TBCA: variants seen among roughly 807,000 people sequenced by gnomAD.
The protein encoded by TBCA is tubulin folding cofactor A.
A neutral mutation model predicts 15.8 loss-of-function variants in TBCA; 6 were observed. The ratio of observed to expected loss-of-function variants is 0.38; its 90% CI spans 0.21 to 0.75. The LOEUF is 0.75. Ranked by LOEUF, TBCA falls within the 30% of genes least tolerant of loss-of-function variation. The pLI is 0.46. For missense variants in TBCA, 90 were observed against 131.2 expected, an observed-to-expected ratio of 0.69 and a Z score of 1.53; for synonymous variants, 32 against 42.3, an observed-to-expected ratio of 0.76 and a Z score of 0.94.
chr5:77,734,034 G>T (rs908243626), intron 1 of TBCA, among the ~76,000 whole-genome samples: 2 of 152,128 alleles, frequency 1.3e-5, no homozygotes. Context: ...ACAAAGCATG[G>T]ATGACAGCAC....
intron 3 of TBCA, 41 bp downstream of exon 3, chr5:77,693,225 G>GAA: frequency 1.3e-6 from 2 of 1,562,868 alleles, no homozygotes; most frequent in South Asian, 1.2e-5. Flanking sequence ...GTATTGGATT[G>GAA]AAAAAAAAAA....
intron 1 of TBCA, among the ~76,000 whole-genome samples, chr5:77,728,699 A>C (rs1746687365): frequency 6.6e-6 from 1 of 152,196 alleles, no homozygotes; most frequent in South Asian, 2.1e-4. Flanking sequence ...TTATTTTTAC[A>C]AAGCAAATTT....
chr5:77,698,793 A>T lies in TBCA; in HGVS notation c.160-5441T>A, dbSNP rs191672489. 2.2e-3 allele frequency among the ~76,000 whole-genome samples: 329 copies of T among 152,298 alleles called. 1 individual carries two copies. Among genetic ancestry groups the T allele is most frequent in the Middle Eastern group, 6.8e-3 (2 of 294 alleles). The stretch of plus-strand genomic sequence containing the variant: ...AATGTATACAAATAATTATTTATAG[A>T]CCAGTATCAAGTGGGATTCATTGTA... On this transcript the variant is annotated intron_variant, in intron 2 of 3. Transcript: ENST00000380377.
chr5:77,719,927 G>GC (rs1371056094), intron 1 of TBCA, among the ~76,000 whole-genome samples: 6 of 152,058 alleles, frequency 3.9e-5, no homozygotes. Context: ...TCCCACAGCT[G>GC]CTTCATCTCC....
At chr5:77,707,715 C>T (rs970086284) in intron 2 of TBCA, among the ~76,000 whole-genome samples, 8 of 151,992 alleles carry the variant, frequency 5.3e-5, no homozygotes, top group Non-Finnish European at 1.0e-4. Context: ...GTAGTCTTCA[C>T]ATCAGTGTGG....
chr5:77,770,426 G>A (rs1168940793), intron 1 of TBCA, among the ~76,000 whole-genome samples: 2 of 152,176 alleles, frequency 1.3e-5, no homozygotes, highest in East Asian at 3.9e-4. Context: ...ATAAAACAGA[G>A]CTATGTTAGC....
intron 1 of TBCA, among the ~76,000 whole-genome samples, chr5:77,715,910 C>T (rs1185006464): frequency 6.6e-6 from 1 of 152,118 alleles, no homozygotes; most frequent in Non-Finnish European, 1.5e-5. Flanking sequence ...ATACAGTTCT[C>T]CTCTACTGAT....
intron 1 of TBCA, among the ~76,000 whole-genome samples, chr5:77,740,318 A>G (rs949830301): frequency 1.3e-5 from 2 of 152,186 alleles, no homozygotes; most frequent in African/African-American, 4.8e-5. Flanking sequence ...AAAGATCACT[A>G]CAGCTGCAAC....
rs1302177490 is a variant in TBCA at position 77,776,299 on chromosome 5, G to A, written c.-42C>T. 3.8e-6 allele frequency: 6 copies of A among 1,559,008 alleles called. No homozygotes were observed. Among genetic ancestry groups the A allele is most frequent in the Middle Eastern group, 2.3e-4 (1 of 4,400 alleles). The stretch of plus-strand genomic sequence containing the variant: ...CGAGAAGGAGGGGCGGAGAGCCGGG[G>A]TAACCGTGGAGGGCGACGCGCAGAG... On this transcript the variant is annotated 5_prime_UTR_variant, in exon 1 of 4. Coordinates refer to ENST00000380377, the MANE Select transcript of TBCA (RefSeq NM_004607.3).
intron 1 of TBCA, among the ~76,000 whole-genome samples, chr5:77,756,644 A>C (rs1747483139): frequency 6.7e-6 from 1 of 150,250 alleles, no homozygotes; most frequent in Non-Finnish European, 1.5e-5. Flanking sequence ...AAAAAAAAAA[A>C]CAGCTAGGAC....
chr5:77,694,982 G>A (rs1412416866), intron 2 of TBCA, among the ~76,000 whole-genome samples: 8 of 152,096 alleles, frequency 5.3e-5, no homozygotes, highest in African/African-American at 1.9e-4. Context: ...TTATTTTTGT[G>A]TATCTGGTTA....
intron 1 of TBCA, among the ~76,000 whole-genome samples, chr5:77,769,551 TTTATG>T (rs1218945643): frequency 2.6e-5 from 4 of 152,174 alleles, no homozygotes; most frequent in Non-Finnish European, 5.9e-5. Context: ...TTACATACCT[TTTATG>T]TTGTCTTCAT....
intron 1 of TBCA, among the ~76,000 whole-genome samples, chr5:77,770,839 T>A (rs1747891063): frequency 6.6e-6 from 1 of 151,812 alleles, no homozygotes; most frequent in Non-Finnish European, 1.5e-5. Context: ...AAACTTAGTA[T>A]AATAACCCAC....
chr5:77,742,163 G>A (rs1747052767), intron 1 of TBCA, among the ~76,000 whole-genome samples: 1 of 152,020 alleles, frequency 6.6e-6, no homozygotes, highest in South Asian at 2.1e-4. Flanking sequence ...TTTGGATTTT[G>A]GAATACTGGC....
At chr5:77,734,906 G>A (rs766898189) in intron 1 of TBCA, among the ~76,000 whole-genome samples, 5 of 152,200 alleles carry the variant, frequency 3.3e-5, no homozygotes, top group Non-Finnish European at 7.3e-5. Context: ...GTTGAGGCAA[G>A]ATATGTAACA....
At chr5:77,713,709 A>AT (rs1211878892) in intron 1 of TBCA, among the ~76,000 whole-genome samples, 1 of 152,184 alleles carries the variant, frequency 6.6e-6, no homozygotes, top group Non-Finnish European at 1.5e-5. Flanking sequence ...GCCTACTATG[A>AT]TTTTTTATTT....
chr5:77,751,471 G>A (rs372172585), intron 1 of TBCA, among the ~76,000 whole-genome samples: 9 of 151,930 alleles, frequency 5.9e-5, no homozygotes, highest in Non-Finnish European at 8.8e-5. Context: ...GAGCCACCGC[G>A]CCGGCCAGCC....
At chr5:77,742,891 T>C (rs1425145924) in intron 1 of TBCA, among the ~76,000 whole-genome samples, 2 of 152,210 alleles carry the variant, frequency 1.3e-5, no homozygotes, top group African/African-American at 4.8e-5. Flanking sequence ...TGGAGATCAA[T>C]TGCTACTGTT....
chr5:77,761,796 GT>G (rs1178630675), intron 1 of TBCA, among the ~76,000 whole-genome samples: 1 of 151,528 alleles, frequency 6.6e-6, no homozygotes. Flanking sequence ...CAAGGACTTT[GT>G]TTTTGTCTCT....
Sources: allele counts gnomAD v4.1 joint callset (sites outside exome capture counted in the v4.1 genomes callset), GRCh38; gene constraint gnomAD v4.1.1; transcripts MANE v1.5; gene names NCBI Gene and HGNC (gene_info 2026-07-23, HGNC 2026-07-21).